IFNG-AS1: variants seen among roughly 807,000 people sequenced by gnomAD.
IFNG-AS1 encodes IFNG antisense RNA 1 (non-protein coding).
At chr12:68,001,757 A>G (rs1488825330) in intron 2 of IFNG-AS1, among the ~76,000 whole-genome samples, 4 of 152,188 alleles carry the variant, frequency 2.6e-5, no homozygotes, top group African/African-American at 7.2e-5. Flanking sequence ...CATGGTTTGA[A>G]ATCTCTAGGT....
At chr12:68,018,932 T>C (rs934840608) in intron 3 of IFNG-AS1, among the ~76,000 whole-genome samples, 1 of 152,034 alleles carries the variant, frequency 6.6e-6, no homozygotes, top group African/African-American at 2.4e-5. Context: ...ATCCGTGGTT[T>C]TTACCACGCC....
At chr12:68,019,271 C>T (rs980750118) in intron 3 of IFNG-AS1, among the ~76,000 whole-genome samples, 1 of 152,158 alleles carries the variant, frequency 6.6e-6, no homozygotes, top group African/African-American at 2.4e-5. Context: ...CTAGCACTTA[C>T]ATGTGCTTAC....
At chr12:68,017,525 G>A (rs1489284183) in intron 3 of IFNG-AS1, among the ~76,000 whole-genome samples, 8 of 152,120 alleles carry the variant, frequency 5.3e-5, no homozygotes, top group Non-Finnish European at 1.2e-4. Context: ...AAAATTTGGA[G>A]ATAAACTGGA....
chr12:67,991,531 T>G (rs369109718), intron 1 of IFNG-AS1, among the ~76,000 whole-genome samples: 1 of 152,222 alleles, frequency 6.6e-6, no homozygotes, highest in African/African-American at 2.4e-5. Context: ...TCTTGTTTCT[T>G]GCCACCTTAA....
intron 3 of IFNG-AS1, among the ~76,000 whole-genome samples, chr12:68,018,052 A>G (rs931869194): frequency 3.3e-5 from 5 of 151,904 alleles, no homozygotes; most frequent in Non-Finnish European, 5.9e-5. Context: ...AAAATTTTCT[A>G]TTTGTTATTC....
intron 1 of IFNG-AS1, among the ~76,000 whole-genome samples, chr12:67,995,655 G>C (rs1879623825): frequency 6.6e-6 from 1 of 150,528 alleles, no homozygotes; most frequent in Non-Finnish European, 1.5e-5. Context: ...CTGGGAGGCA[G>C]AGGTTGCAGT....
chr12:68,005,619 A>C (rs1879889160), intron 2 of IFNG-AS1, among the ~76,000 whole-genome samples: 1 of 152,240 alleles, frequency 6.6e-6, no homozygotes, highest in Non-Finnish European at 1.5e-5. Context: ...GTATTTATTC[A>C]ATAACTTGTC....
intron 3 of IFNG-AS1, among the ~76,000 whole-genome samples, chr12:68,017,889 A>G (rs536650588): frequency 6.4e-4 from 98 of 152,342 alleles, no homozygotes; most frequent in Middle Eastern, 3.4e-3. Flanking sequence ...ACTGGTTCAT[A>G]TGGGTATTGT....
chr12:67,998,170 A>T (rs1879685067), intron 2 of IFNG-AS1, among the ~76,000 whole-genome samples: 1 of 152,074 alleles, frequency 6.6e-6, no homozygotes, highest in African/African-American at 2.4e-5. Context: ...ATAAGGCAAA[A>T]ATATATTTGC....
At chr12:68,002,101 G>T (rs1384011863) in intron 2 of IFNG-AS1, among the ~76,000 whole-genome samples, 2 of 152,166 alleles carry the variant, frequency 1.3e-5, no homozygotes, top group East Asian at 3.8e-4. Flanking sequence ...ATATTACCTG[G>T]TTAATGCAAT....
chr12:68,018,082 C>T (rs1332474705), intron 3 of IFNG-AS1, among the ~76,000 whole-genome samples: 1 of 152,110 alleles, frequency 6.6e-6, no homozygotes, highest in African/African-American at 2.4e-5. Context: ...TTTCCTCTGA[C>T]TGGTACCTCA....
intron 3 of IFNG-AS1, among the ~76,000 whole-genome samples, chr12:68,018,068 T>C (rs556239909): frequency 3.3e-4 from 51 of 152,244 alleles, no homozygotes; most frequent in Non-Finnish European, 3.4e-4. Flanking sequence ...TATTCAGAGA[T>C]AGCTTTCCTC....
At chr12:68,007,827 G>T (rs941160117) in intron 3 of IFNG-AS1, among the ~76,000 whole-genome samples, 1 of 152,158 alleles carries the variant, frequency 6.6e-6, no homozygotes, top group Non-Finnish European at 1.5e-5. Flanking sequence ...GACAGAGGAA[G>T]GGAGAGATGG....
chr12:68,014,575 G>T (rs1234529392), intron 3 of IFNG-AS1, among the ~76,000 whole-genome samples: 3 of 151,960 alleles, frequency 2.0e-5, no homozygotes, highest in Non-Finnish European at 4.4e-5. Flanking sequence ...TATGTTTGTT[G>T]GCCATTTGTA....
intron 2 of IFNG-AS1, among the ~76,000 whole-genome samples, chr12:67,997,202 A>G (rs1284489708): frequency 6.6e-6 from 1 of 152,096 alleles, no homozygotes; most frequent in East Asian, 1.9e-4. Context: ...AAACACTTAA[A>G]AAGAAAAACT....
chr12:68,012,463 G>A (rs1416060568), intron 3 of IFNG-AS1, among the ~76,000 whole-genome samples: 3 of 152,180 alleles, frequency 2.0e-5, no homozygotes, highest in Non-Finnish European at 2.9e-5. Flanking sequence ...TCAACCAGGG[G>A]AATGCTGCCT....
At chr12:68,015,476 C>T (rs538783422) in intron 3 of IFNG-AS1, among the ~76,000 whole-genome samples, 2 of 152,200 alleles carry the variant, frequency 1.3e-5, no homozygotes, top group African/African-American at 4.8e-5. Context: ...AGAGGCTTCA[C>T]CTTCTCATCT....
intron 1 of IFNG-AS1, among the ~76,000 whole-genome samples, chr12:67,993,037 G>T (rs1879551924): frequency 6.6e-6 from 1 of 152,148 alleles, no homozygotes; most frequent in Non-Finnish European, 1.5e-5. Flanking sequence ...ATGTCCTCTT[G>T]TCACTTTCCT....
chr12:67,999,681 T>C lies in IFNG-AS1; in HGVS notation n.184+3608T>C, dbSNP rs115496703. On this transcript the variant is annotated intron_variant and non_coding_transcript_variant, in intron 2 of 5. Transcript: ENST00000536914. ...TGGGAGAGAAGGGAAAGCTCTTCTT[T>C]ACAGTAGAATTATAATTAACGAGTG... Among the ~76,000 whole-genome samples, 494 of 152,312 alleles carry C rather than the reference T, an allele frequency of 3.2e-3. 2 individuals are homozygous for C. Among genetic ancestry groups the C allele is most frequent in the African/African-American group, 0.011 (452 of 41,578 alleles).
Sources: allele counts gnomAD v4.1 joint callset (sites outside exome capture counted in the v4.1 genomes callset), GRCh38; gene constraint gnomAD v4.1.1; transcripts MANE v1.5; gene names NCBI Gene and HGNC (gene_info 2026-07-23, HGNC 2026-07-21).